CNTN5: variants seen among roughly 807,000 people sequenced by gnomAD.
CNTN5 encodes the protein contactin-5.
Under a neutral mutation model 129.1 loss-of-function variants are expected in CNTN5, and 77 were observed. The ratio of observed to expected loss-of-function variants is 0.60; its 90% CI spans 0.50 to 0.72. The LOEUF is 0.72. Among genes scored for constraint, CNTN5 ranks in the 30% least tolerant of loss-of-function variants. The pLI, the probability that CNTN5 is intolerant of heterozygous loss-of-function variation, is 0.00. For missense variants in CNTN5, 1,478 were observed against 1,328.8 expected (o/e 1.11, Z -1.75); for synonymous variants, 509 against 465.6 (o/e 1.09, Z -1.20).
chr11:99,109,336 A>AGGG (rs1857672667), intron 1 of CNTN5, among the ~76,000 whole-genome samples: 2 of 152,132 alleles, frequency 1.3e-5, no homozygotes, highest in Non-Finnish European at 2.9e-5. Context: ...TAAAAATTAT[A>AGGG]TGTGTAGAAC....
At chr11:99,366,928 G>C (rs1017801402) in intron 2 of CNTN5, among the ~76,000 whole-genome samples, 139 of 152,296 alleles carry the variant, frequency 9.1e-4, no homozygotes, top group African/African-American at 3.3e-3. Context: ...CAGTTAACAA[G>C]TGTCTGAATG....
intron 6 of CNTN5, among the ~76,000 whole-genome samples, chr11:99,860,209 G>C (rs957411685): frequency 6.6e-6 from 1 of 151,872 alleles, no homozygotes; most frequent in African/African-American, 2.4e-5. Context: ...CTGAATATTA[G>C]GCCTTTGTCT....
In CNTN5 at chr11:100,355,144, AT is replaced by A. The variant is rs754520264; in HGVS notation, c.3200-971del. Among the ~76,000 whole-genome samples, 8 of 151,936 alleles carry A rather than the reference AT, an allele frequency of 5.3e-5. No individual in the cohort carries two copies. In the South Asian group the frequency reaches 6.2e-4, roughly 12 times the overall value. On this transcript the variant is annotated intron_variant, in intron 24 of 24. Transcript: ENST00000524871. ...AACACTTAAAACATACATAATACAG[AT>A]TAAAAAAACATTTTCTTTATATCTG... is the stretch of plus-strand genomic sequence containing the variant.
intron 1 of CNTN5, among the ~76,000 whole-genome samples, chr11:99,234,886 A>C (rs1861187519): frequency 6.6e-6 from 1 of 152,198 alleles, no homozygotes; most frequent in Admixed American, 6.5e-5. Context: ...GTGAAAAACT[A>C]TTCAGCTTGC....
At chr11:99,233,714 G>A (rs1273375811) in intron 1 of CNTN5, among the ~76,000 whole-genome samples, 2 of 152,136 alleles carry the variant, frequency 1.3e-5, no homozygotes, top group African/African-American at 2.4e-5. Flanking sequence ...TTGGGAGGCC[G>A]AGGTGGGTGG....
At chr11:100,217,156 A>G (rs1050280264) in intron 15 of CNTN5, among the ~76,000 whole-genome samples, 1 of 152,202 alleles carries the variant, frequency 6.6e-6, no homozygotes, top group Non-Finnish European at 1.5e-5. Flanking sequence ...TACCTCTAAC[A>G]TTGTGTTGTG....
chr11:99,116,800 T>A (rs12799400), intron 1 of CNTN5, among the ~76,000 whole-genome samples: 1 of 152,138 alleles, frequency 6.6e-6, no homozygotes. Context: ...GATGAATACA[T>A]TTAGATAGAA....
At chr11:99,733,595 T>C (rs973435881) in intron 3 of CNTN5, among the ~76,000 whole-genome samples, 2 of 152,094 alleles carry the variant, frequency 1.3e-5, no homozygotes, top group Non-Finnish European at 2.9e-5. Context: ...ATCCCCAAAA[T>C]ACTTAATGGT....
intron 1 of CNTN5, among the ~76,000 whole-genome samples, chr11:99,278,052 G>T (rs1863525624): frequency 6.6e-6 from 1 of 151,602 alleles, no homozygotes; most frequent in African/African-American, 2.4e-5. Flanking sequence ...CACAAAGAAA[G>T]CAAAGCCTGT....
intron 1 of CNTN5, among the ~76,000 whole-genome samples, chr11:99,286,329 A>G (rs1863939860): frequency 6.6e-6 from 1 of 152,136 alleles, no homozygotes. Context: ...CTCATCTAAC[A>G]TCCTGAGCTG....
rs78911454 is a variant in CNTN5 at position 99,554,574 on chromosome 11, A to G, written c.-70-1571A>G. Among the ~76,000 whole-genome samples the G allele has an allele frequency of 4.9e-3, 740 of 152,220 alleles. 22 individuals are homozygous for G. The East Asian group carries it at 0.094, about 19-fold the overall frequency. ...AACAGAGGACCTTAGGACATTGTAA[A>G]TAGAGCGAGAAGTACCAATTTGGGG... On this transcript the variant is annotated intron_variant, in intron 2 of 24. Coordinates refer to ENST00000524871, the MANE Select transcript of CNTN5 (RefSeq NM_014361.4).
chr11:99,621,648 ATAT>A (rs1950954758), intron 3 of CNTN5, among the ~76,000 whole-genome samples: 1 of 152,196 alleles, frequency 6.6e-6, no homozygotes, highest in South Asian at 2.1e-4. Flanking sequence ...TGCATTGGTA[ATAT>A]TTTTCATTGG....
At chr11:99,851,777 G>A (rs1947881519) in intron 6 of CNTN5, among the ~76,000 whole-genome samples, 1 of 152,174 alleles carries the variant, frequency 6.6e-6, no homozygotes, top group African/African-American at 2.4e-5. Context: ...CTCTTTGAGA[G>A]ATTATATGAC....
chr11:100,029,590 G>GA (rs1941603244), intron 9 of CNTN5, among the ~76,000 whole-genome samples: 1 of 150,264 alleles, frequency 6.7e-6, no homozygotes, highest in African/African-American at 2.5e-5. Flanking sequence ...CAAAAAAAAA[G>GA]AAAAAACATG....
intron 15 of CNTN5, among the ~76,000 whole-genome samples, chr11:100,220,147 G>A (rs2138615293): frequency 6.6e-6 from 1 of 152,052 alleles, no homozygotes; most frequent in African/African-American, 2.4e-5. Flanking sequence ...CGTGGTGGCA[G>A]GCACCTGTGG....
intron 6 of CNTN5, among the ~76,000 whole-genome samples, chr11:99,907,801 T>C (rs1949549300): frequency 6.6e-6 from 1 of 151,966 alleles, no homozygotes. Context: ...AGTTGTAAAG[T>C]TGTAAATAAG....
At chr11:100,047,668 T>G (rs1942754015) in intron 9 of CNTN5, among the ~76,000 whole-genome samples, 1 of 152,180 alleles carries the variant, frequency 6.6e-6, no homozygotes, top group South Asian at 2.1e-4. Flanking sequence ...TCAACTTGAT[T>G]GAAATCAGGG....
At chr11:99,332,085 T>C (rs189351106) in intron 2 of CNTN5, among the ~76,000 whole-genome samples, 27 of 152,242 alleles carry the variant, frequency 1.8e-4, no homozygotes, top group Non-Finnish European at 4.4e-5. Flanking sequence ...TTGGGGTGAT[T>C]TGTTATATAG....
At chr11:99,411,106 A>C (rs1473164897) in intron 2 of CNTN5, among the ~76,000 whole-genome samples, 3 of 152,224 alleles carry the variant, frequency 2.0e-5, no homozygotes, top group African/African-American at 7.2e-5. Context: ...TTAATCAATA[A>C]ATCTATATTG....
Sources: gnomAD v4.1 joint callset for allele counts (sites outside exome capture counted in the v4.1 genomes callset) on GRCh38, gnomAD v4.1.1 for gene constraint, MANE v1.5 for transcripts, NCBI Gene and HGNC (gene_info 2026-07-23, HGNC 2026-07-21) for gene names.